PCDH15: variants seen among roughly 807,000 people sequenced by gnomAD.
PCDH15 encodes protocadherin-15.
PCDH15 carries 129 observed loss-of-function variants against 178.5 expected under a neutral mutation model. The observed-to-expected ratio is 0.72, with a 90% confidence interval of 0.63 to 0.84. The LOEUF is 0.84. PCDH15 is among the 40% of genes least tolerant of loss of function. The pLI is 0.00. For missense variants in PCDH15, 2,230 were observed against 2,099.9 expected (o/e 1.06, Z -1.21); for synonymous variants, 800 against 732.0 (o/e 1.09, Z -1.50).
chr10:54,528,747 A>G (rs1336850433), intron 2 of PCDH15, among the ~76,000 whole-genome samples: 1 of 152,068 alleles, frequency 6.6e-6, no homozygotes, highest in African/African-American at 2.4e-5. Context: ...TGCTGAAAAA[A>G]CTTTAAGAAT....
intron 2 of PCDH15, among the ~76,000 whole-genome samples, chr10:55,430,357 T>G (rs1838853813): frequency 6.6e-6 from 1 of 152,144 alleles, no homozygotes; most frequent in Non-Finnish European, 1.5e-5. Flanking sequence ...AATATCTGGA[T>G]AGGTAAATAG....
chr10:55,607,848 T>C (rs149499738), intron 2 of PCDH15, among the ~76,000 whole-genome samples: 138 of 150,986 alleles, frequency 9.1e-4, no homozygotes, highest in African/African-American at 3.2e-3. Context: ...TGTATACATA[T>C]GTAACTAACC....
intron 1 of PCDH15, among the ~76,000 whole-genome samples, chr10:55,281,642 A>G (rs1392396524): frequency 6.6e-6 from 1 of 151,986 alleles, no homozygotes; most frequent in African/African-American, 2.4e-5. Flanking sequence ...TATGACAATG[A>G]CTCGCACATG....
intron 1 of PCDH15, among the ~76,000 whole-genome samples, chr10:55,188,684 T>C (rs527932252): frequency 1.3e-4 from 19 of 151,834 alleles, no homozygotes; most frequent in South Asian, 6.2e-4. Context: ...ATCCTTTTTT[T>C]AAAAAAAATA....
At chr10:55,043,175 T>C (rs1005625942) in intron 2 of PCDH15, among the ~76,000 whole-genome samples, 27 of 152,164 alleles carry the variant, frequency 1.8e-4, no homozygotes, top group African/African-American at 6.5e-4. Flanking sequence ...TAGATTTTTT[T>C]TCTACGTGGA....
intron 28 of PCDH15, among the ~76,000 whole-genome samples, chr10:53,849,668 T>G (rs1473724457): frequency 3.3e-5 from 5 of 151,700 alleles, no homozygotes; most frequent in Non-Finnish European, 1.5e-5. Context: ...ATCTAGACCA[T>G]TGTGGCTAAC....
At chr10:53,814,345 T>G (rs1313598376) in intron 35 of PCDH15, among the ~76,000 whole-genome samples, 3 of 151,738 alleles carry the variant, frequency 2.0e-5, no homozygotes, top group Non-Finnish European at 4.4e-5. Flanking sequence ...TGCAACTGAG[T>G]GGATTTTGGA....
At chr10:54,027,955 C>G (rs1044431159) in intron 18 of PCDH15, among the ~76,000 whole-genome samples, 81 of 151,582 alleles carry the variant, frequency 5.3e-4, no homozygotes, top group Non-Finnish European at 2.4e-4. Context: ...TCGAATTAAA[C>G]TCAAGAGCTT....
intron 3 of PCDH15, among the ~76,000 whole-genome samples, chr10:54,442,414 C>CTTTTTATATATATATATATATA (rs1491511066): frequency 1.6e-4 from 3 of 19,164 alleles, no homozygotes; most frequent in African/African-American, 6.1e-4. Flanking sequence ...GCCTTAAAGG[C>CTTTTTATATATATATATATATA]TATATATATA....
At chr10:54,171,079 AG>A (rs773257215) in intron 13 of PCDH15, among the ~76,000 whole-genome samples, 1 of 152,116 alleles carries the variant, frequency 6.6e-6, no homozygotes, top group Non-Finnish European at 1.5e-5. Flanking sequence ...ACAGGGTCTG[AG>A]AAGGCCACCG....
chr10:54,182,495 G>GAGAT (rs112295276), intron 13 of PCDH15, among the ~76,000 whole-genome samples: 112,460 of 151,366 alleles, frequency 0.74, 43,216 homozygotes, highest in African/African-American at 0.86. Flanking sequence ...GAGAGGAAAA[G>GAGAT]AGAGAAAAAA....
rs556913421 is a variant in PCDH15, at chr10:53,963,930, C to CA, written c.2869-2039dup. ...CCTTCCAATGATTTTGCATCACACA[C>CA]AAAAAAAATAAATACAAAGTTGTTA... On this transcript the variant is annotated intron_variant, in intron 21 of 37. Coordinates refer to ENST00000644397, the MANE Select transcript of PCDH15 (RefSeq NM_001384140.1). Among the ~76,000 whole-genome samples the CA allele has an allele frequency of 1.8e-3, 281 of 152,054 alleles. 2 individuals carry two copies. Among genetic ancestry groups the CA allele is most frequent in the Middle Eastern group, 0.01 (3 of 294 alleles).
intron 26 of PCDH15, among the ~76,000 whole-genome samples, chr10:53,886,248 C>T (rs964733580): frequency 6.6e-6 from 1 of 152,106 alleles, no homozygotes; most frequent in African/African-American, 2.4e-5. Context: ...AATTCATTAG[C>T]TAGTGTTGTC....
intron 2 of PCDH15, among the ~76,000 whole-genome samples, chr10:54,592,453 C>T (rs1007580767): frequency 1.3e-5 from 2 of 151,988 alleles, no homozygotes; most frequent in Admixed American, 6.6e-5. Context: ...TATATGCATA[C>T]ATTGTGAAAT....
At chr10:55,621,447 G>A (rs2132171021) in intron 2 of PCDH15, among the ~76,000 whole-genome samples, 1 of 152,292 alleles carries the variant, frequency 6.6e-6, no homozygotes, top group East Asian at 1.9e-4. Flanking sequence ...CCTGTTCATG[G>A]CCTGTTAGGA....
At chr10:55,372,307 C>T (rs1845524924) in intron 2 of PCDH15, among the ~76,000 whole-genome samples, 1 of 151,912 alleles carries the variant, frequency 6.6e-6, no homozygotes, top group South Asian at 2.1e-4. Flanking sequence ...CACCTGCACA[C>T]CCACCCATAT....
At chr10:54,505,579 A>G (rs1429609675) in intron 3 of PCDH15, among the ~76,000 whole-genome samples, 1 of 152,074 alleles carries the variant, frequency 6.6e-6, no homozygotes, top group East Asian at 1.9e-4. Context: ...TCTCACTCAT[A>G]AGTGGGAGTT....
chr10:53,844,939 C>T (rs1209439808), intron 28 of PCDH15, among the ~76,000 whole-genome samples: 1 of 151,862 alleles, frequency 6.6e-6, no homozygotes, highest in South Asian at 2.1e-4. Context: ...GTCAAAGAGA[C>T]AACCTATAGA....
intron 2 of PCDH15, among the ~76,000 whole-genome samples, chr10:55,513,996 C>A (rs930672725): frequency 6.6e-6 from 1 of 151,944 alleles, no homozygotes; most frequent in Non-Finnish European, 1.5e-5. Context: ...ATCCATGGGG[C>A]TGGTTGGCAT....
Sources: gnomAD v4.1 joint callset for allele counts (sites outside exome capture counted in the v4.1 genomes callset) on GRCh38, gnomAD v4.1.1 for gene constraint, MANE v1.5 for transcripts, NCBI Gene and HGNC (gene_info 2026-07-23, HGNC 2026-07-21) for gene names.